Variants in DENND1A observed in about 807,000 individuals in gnomAD.
The protein encoded by DENND1A is DENN domain containing 1A, also known as DENN domain-containing protein 1A.
A neutral mutation model predicts 113.7 loss-of-function variants in DENND1A; 51 were observed. That is an observed-to-expected ratio of 0.45 (90% confidence interval 0.36 to 0.57). DENND1A has a LOEUF of 0.57. Among genes scored for constraint, DENND1A ranks in the 20% least tolerant of loss-of-function variants. The probability of loss-of-function intolerance (pLI) is 0.00; values close to 1 mark genes in which losing one functional copy is unlikely to be tolerated. For synonymous variants in DENND1A, 565 were observed against 570.8 expected (o/e 0.99, Z 0.14); for missense variants, 1,258 against 1,395.9 (o/e 0.90, Z 1.57).
chr9:123,653,603 G>A (rs896549092), intron 8 of DENND1A, among the ~76,000 whole-genome samples: 1 of 152,172 alleles, frequency 6.6e-6, no homozygotes, highest in Non-Finnish European at 1.5e-5. Flanking sequence ...TGTGTAATTT[G>A]ACAAAGGTCA....
intron 21 of DENND1A, among the ~76,000 whole-genome samples, chr9:123,397,823 G>A (rs2043210688): frequency 6.6e-6 from 1 of 152,338 alleles, no homozygotes; most frequent in Non-Finnish European, 1.5e-5. Context: ...GAAAAGAGCA[G>A]ATTTTGCACG....
chr9:123,454,825 T>C (rs1181380590), intron 15 of DENND1A, 46 bp from the exon 16 acceptor site: 2 of 1,533,520 alleles, frequency 1.3e-6, no homozygotes, highest in Non-Finnish European at 1.8e-6. Context: ...AGAGGTGATT[T>C]GTCCTTGGGA....
At chr9:123,568,176 G>A (rs1314929021) in intron 12 of DENND1A, among the ~76,000 whole-genome samples, 1 of 152,220 alleles carries the variant, frequency 6.6e-6, no homozygotes, top group Non-Finnish European at 1.5e-5. Context: ...CTCTAGGCAT[G>A]AGGGGACCAC....
intron 19 of DENND1A, among the ~76,000 whole-genome samples, chr9:123,428,548 C>G (rs1029768345): frequency 2.6e-5 from 4 of 152,140 alleles, no homozygotes; most frequent in African/African-American, 9.7e-5. Context: ...GAAGTTCTGG[C>G]CAGGGCAATC....
At chr9:123,440,569 C>T in intron 18 of DENND1A, 78 bp from the exon 19 acceptor site, 3 of 1,459,592 alleles carry the variant, frequency 2.1e-6, no homozygotes, top group Middle Eastern at 2.1e-4. Context: ...AACGAAGAGG[C>T]CTGCCAGGCG....
At chr9:123,826,650 T>C (rs983167171) in intron 2 of DENND1A, among the ~76,000 whole-genome samples, 1 of 152,134 alleles carries the variant, frequency 6.6e-6, no homozygotes, top group African/African-American at 2.4e-5. Flanking sequence ...CTCTCAGACT[T>C]GGTTCAAGAT....
chr9:123,530,439 A>G (rs1160611284), intron 13 of DENND1A, among the ~76,000 whole-genome samples: 1 of 152,228 alleles, frequency 6.6e-6, no homozygotes, highest in African/African-American at 2.4e-5. Flanking sequence ...GTACCGTTTC[A>G]TACCCAGATA....
intron 5 of DENND1A, among the ~76,000 whole-genome samples, chr9:123,737,527 G>A (rs1031885800): frequency 2.6e-5 from 4 of 152,192 alleles, no homozygotes; most frequent in African/African-American, 9.7e-5. Flanking sequence ...ATACAACTGA[G>A]TAGTCCAAAT....
intron 9 of DENND1A, among the ~76,000 whole-genome samples, chr9:123,632,946 C>T (rs1276532217): frequency 6.6e-6 from 1 of 151,998 alleles, no homozygotes; most frequent in Non-Finnish European, 1.5e-5. Context: ...CTCACTCTGT[C>T]ACCCAGGCTG....
rs543863093 is a variant in DENND1A at position 123,842,936 on chromosome 9, T to C, written c.88+36015A>G. On this transcript the variant is annotated intron_variant, in intron 2 of 23. Coordinates refer to ENST00000394215, the MANE Select transcript of DENND1A (RefSeq NM_001352964.2). ...TCCTAAGAATGCAAGGTTGGGTGCC[T>C]GCATTAGGGCCAGGACAGCCCTTCC... 105 of 272,582 alleles carry C rather than the reference T, an allele frequency of 3.9e-4. 1 individual carries two copies. In the Middle Eastern group the frequency reaches 9.7e-3, roughly 25 times the overall value. The allele number at this position is 272,582 out of a possible 1,614,324, so 16.9% of individuals were successfully genotyped here.
At chr9:123,684,330 C>T (rs1006495556) in intron 5 of DENND1A, among the ~76,000 whole-genome samples, 1 of 152,168 alleles carries the variant, frequency 6.6e-6, no homozygotes, top group Non-Finnish European at 1.5e-5. Context: ...TCAGAAGATA[C>T]TCTTCTCTCC....
At position 123,382,364 on chromosome 9, in the gene DENND1A, G is replaced by T; in HGVS notation, c.2281C>A (p.Pro761Thr). ...GGGGTCTTCCTGCCTTGGGGCCGGGGGATGGTGATGCTGCCCAGAGTAGGG... is the reference window on the plus strand; with the variant it reads ...GGGGTCTTCCTGCCTTGGGGCCGGGTGATGGTGATGCTGCCCAGAGTAGGG... ...PTPTLGSITI[P>T]RPQGRKTPEL... Residue 761 changes from proline (P) to threonine (T), a missense_variant, in exon 24 of 24, where the codon CCC (proline) becomes ACC (threonine). Transcript: ENST00000394215. 1 of 1,600,364 alleles carries T rather than the reference G, an allele frequency of 6.2e-7. No homozygotes were observed. Among genetic ancestry groups the T allele is most frequent in the African/African-American group, 1.3e-5 (1 of 74,916 alleles).
At chr9:123,783,977 G>A (rs1287958228) in intron 3 of DENND1A, among the ~76,000 whole-genome samples, 1 of 152,214 alleles carries the variant, frequency 6.6e-6, no homozygotes, top group Non-Finnish European at 1.5e-5. Context: ...ATCAGGGCAA[G>A]TTTCACAGAG....
intron 5 of DENND1A, among the ~76,000 whole-genome samples, chr9:123,727,785 C>T (rs1181137327): frequency 6.6e-6 from 1 of 151,770 alleles, no homozygotes; most frequent in African/African-American, 2.4e-5. Flanking sequence ...TGCCAAAAAC[C>T]ACAAAACACC....
At chr9:123,607,488 GACACACACACAC>G (rs10557656) in intron 11 of DENND1A, among the ~76,000 whole-genome samples, 13 of 70,992 alleles carry the variant, frequency 1.8e-4, no homozygotes, top group African/African-American at 3.1e-4. Flanking sequence ...CAGAGAGAGA[GACACACACACAC>G]ACACACACAC....
intron 12 of DENND1A, among the ~76,000 whole-genome samples, chr9:123,559,311 A>C (rs1321987305): frequency 6.6e-6 from 1 of 152,210 alleles, no homozygotes; most frequent in African/African-American, 2.4e-5. Context: ...GGTTTTAAGC[A>C]TGCAGGTAAC....
intron 19 of DENND1A, among the ~76,000 whole-genome samples, chr9:123,436,656 A>G (rs1290664990): frequency 6.6e-6 from 1 of 152,242 alleles, no homozygotes; most frequent in Admixed American, 6.5e-5. Context: ...GGCTAACTAG[A>G]AACCTATTTA....
At chr9:123,836,127 A>T (rs929406772) in intron 2 of DENND1A, among the ~76,000 whole-genome samples, 1 of 152,142 alleles carries the variant, frequency 6.6e-6, no homozygotes, top group Admixed American at 6.5e-5. Context: ...TGAACCAGAA[A>T]TTTTATTGAC....
chr9:123,847,891 C>T (rs1426995008), intron 2 of DENND1A, among the ~76,000 whole-genome samples: 3 of 151,962 alleles, frequency 2.0e-5, no homozygotes, highest in African/African-American at 7.3e-5. Context: ...CCGAGATAGC[C>T]CCACTGTACT....
Sources: gnomAD v4.1 joint callset for allele counts (sites outside exome capture counted in the v4.1 genomes callset) on GRCh38, gnomAD v4.1.1 for gene constraint, MANE v1.5 for transcripts, NCBI Gene and HGNC (gene_info 2026-07-23, HGNC 2026-07-21) for gene names.